Variants in RBFOX1 observed in about 807,000 individuals in gnomAD.
RBFOX1 encodes RNA binding protein fox-1 homolog 1.
A neutral mutation model predicts 57.7 loss-of-function variants in RBFOX1; 8 were observed. The ratio of observed to expected loss-of-function variants is 0.14; its 90% CI spans 0.08 to 0.25. RBFOX1 has a LOEUF of 0.25. Among genes scored for constraint, RBFOX1 ranks in the 10% least tolerant of loss-of-function variants. The pLI, the probability that RBFOX1 is intolerant of heterozygous loss-of-function variation, is 1.00. For synonymous variants in RBFOX1, 326 were observed against 222.4 expected (o/e 1.47, Z -4.15); for missense variants, 611 against 548.5 (o/e 1.11, Z -1.14).
chr16:6,919,096 C>G (rs572787429), intron 3 of RBFOX1, among the ~76,000 whole-genome samples: 1 of 152,170 alleles, frequency 6.6e-6, no homozygotes, highest in African/African-American at 2.4e-5. Flanking sequence ...TCTCCTGTCT[C>G]AGCCTACTGA....
chr16:7,263,966 A>G (rs1446066620), intron 4 of RBFOX1, among the ~76,000 whole-genome samples: 1 of 151,820 alleles, frequency 6.6e-6, no homozygotes, highest in Non-Finnish European at 1.5e-5. Context: ...ATACAACTGA[A>G]AGGAGAAACA....
At position 7,333,090 on chromosome 16, in the gene RBFOX1, T is replaced by C. The variant is rs1240585365; in HGVS notation, c.28-185057T>C. On this transcript the variant is annotated intron_variant, in intron 4 of 15. Coordinates refer to ENST00000550418, the MANE Select transcript of RBFOX1 (RefSeq NM_018723.4). ...CCTTACCTTCCTGGACTGATTCAGG[T>C]AATTCAAGGCCTCTGCCAGCCAGCA... 1 of 1,612,970 alleles carries C rather than the reference T, an allele frequency of 6.2e-7. No individual in the cohort carries two copies. Among genetic ancestry groups the C allele is most frequent in the Admixed American group, 1.7e-5 (1 of 59,998 alleles).
rs2068956125 is a variant in RBFOX1 at position 6,903,396 on chromosome 16, G to C, written c.-15-148661G>C. Among the ~76,000 whole-genome samples the C allele has an allele frequency of 1.3e-5, 2 of 152,332 alleles. 1 individual carries two copies. The highest frequency in any genetic ancestry group is 4.1e-4 in the South Asian group (2 of 4,832). On this transcript the variant is annotated intron_variant, in intron 3 of 15. Transcript: ENST00000550418. The stretch of plus-strand genomic sequence containing the variant: ...TGCACAGATTCTAACATAGAGGCCA[G>C]TTCTGCGCTCCAATTAAAATTGACG...
chr16:6,941,035 T>G (rs1005328974), intron 3 of RBFOX1, among the ~76,000 whole-genome samples: 1 of 152,044 alleles, frequency 6.6e-6, no homozygotes, highest in Admixed American at 6.6e-5. Flanking sequence ...TATATGTGTA[T>G]GGACGCCTAT....
intron 2 of RBFOX1, among the ~76,000 whole-genome samples, chr16:6,568,212 C>T (rs569651786): frequency 3.3e-5 from 5 of 152,180 alleles, no homozygotes; most frequent in Non-Finnish European, 7.3e-5. Context: ...GTCCAGGAAT[C>T]TGGGAGTGGC....
intron 1 of RBFOX1, among the ~76,000 whole-genome samples, chr16:6,284,861 T>C (rs537308489): frequency 4.6e-5 from 7 of 152,290 alleles, no homozygotes; most frequent in Non-Finnish European, 1.0e-4. Flanking sequence ...CACATTGTTC[T>C]TCTCATTAAA....
chr16:7,054,222 G>C (rs997896268), intron 4 of RBFOX1, among the ~76,000 whole-genome samples: 1 of 101,552 alleles, frequency 9.8e-6, no homozygotes, highest in Non-Finnish European at 1.9e-5. Context: ...TCGGGGGGGG[G>C]GGGCGGGGAG....
chr16:5,929,144 G>T (rs1335874620), intron 4 of RBFOX1, among the ~76,000 whole-genome samples: 1 of 152,148 alleles, frequency 6.6e-6, no homozygotes, highest in Non-Finnish European at 1.5e-5. Flanking sequence ...TTTGGATCCA[G>T]GGGCAGTAGT....
chr16:6,681,130 G>A (rs549351003), intron 3 of RBFOX1, among the ~76,000 whole-genome samples: 1 of 152,186 alleles, frequency 6.6e-6, no homozygotes, highest in Non-Finnish European at 1.5e-5. Flanking sequence ...GGGAAACATG[G>A]TGAGACCCCC....
chr16:7,084,274 A>G (rs985511765), intron 4 of RBFOX1, among the ~76,000 whole-genome samples: 2 of 152,148 alleles, frequency 1.3e-5, no homozygotes, highest in African/African-American at 4.8e-5. Context: ...AGAGGTATGA[A>G]CTAATATATA....
At chr16:5,354,937 G>A (rs1480139498) in intron 1 of RBFOX1, among the ~76,000 whole-genome samples, 2 of 152,156 alleles carry the variant, frequency 1.3e-5, no homozygotes. Flanking sequence ...GCCTGAGGGT[G>A]GTTAAGGGTC....
rs557586329 is a variant in RBFOX1 at position 5,583,514 on chromosome 16, C to G, written c.259-15388C>G. Among the ~76,000 whole-genome samples, 5 of 152,296 alleles carry G rather than the reference C, an allele frequency of 3.3e-5. No individual in the cohort carries two copies. The East Asian group carries it at 5.8e-4, about 18-fold the overall frequency. ...ACTTTTTTTTGTCTGTAAATTTGTT[C>G]TGACCGCGAGGCAATCCTGGAGTGT... On this transcript the variant is annotated intron_variant, in intron 2 of 2. Transcript: ENST00000585867.
chr16:7,047,591 A>G lies in RBFOX1; in HGVS notation c.-15-4466A>G, dbSNP rs2048400838. Among the ~76,000 whole-genome samples the G allele has an allele frequency of 2.1e-5, 3 of 146,324 alleles. No homozygotes were observed. The Admixed American group carries it at 2.1e-4, about 10-fold the overall frequency. On this transcript the variant is annotated intron_variant, in intron 3 of 15. Coordinates refer to ENST00000550418, the MANE Select transcript of RBFOX1 (RefSeq NM_018723.4). ...ATTGTTTATATCTTTTGTCAAATGT[A>G]GGAAGTTTTCAGCCATTATTTCTTA...
chr16:7,217,933 CGTGCATGTGTGTGT>C (rs965419661), intron 4 of RBFOX1, among the ~76,000 whole-genome samples: 15 of 150,070 alleles, frequency 1.0e-4, no homozygotes, highest in African/African-American at 2.7e-4. Flanking sequence ...TAGGTGTGTG[CGTGCATGTGTGTGT>C]GTGTGCACAT....
chr16:6,624,451 C>T (rs1181460528), intron 2 of RBFOX1, among the ~76,000 whole-genome samples: 1 of 152,092 alleles, frequency 6.6e-6, no homozygotes, highest in Non-Finnish European at 1.5e-5. Context: ...GATGGTGAAT[C>T]AACCACAGCC....
intron 2 of RBFOX1, among the ~76,000 whole-genome samples, chr16:6,440,177 C>G (rs1055483263): frequency 6.6e-6 from 1 of 151,836 alleles, no homozygotes; most frequent in Non-Finnish European, 1.5e-5. Flanking sequence ...CCTCGTGATT[C>G]GTCCGCCTCA....
rs567189775 is a variant in RBFOX1 at position 5,519,228 on chromosome 16, A to C, written c.258+51974A>C. On this transcript the variant is annotated intron_variant, in intron 2 of 2. Coordinates refer to the RBFOX1 transcript ENST00000585867. ...CCCTAGCAAAGTAATAAAGTGGTGA[A>C]ATTGGCAAGTTTTGAGTGCCAGCAG... Among the ~76,000 whole-genome samples, 4 of 152,310 alleles carry C rather than the reference A, an allele frequency of 2.6e-5. No homozygotes were observed. In the South Asian group the frequency reaches 8.3e-4, roughly 32 times the overall value.
chr16:7,124,408 T>C (rs1320367625), intron 4 of RBFOX1, among the ~76,000 whole-genome samples: 2 of 152,102 alleles, frequency 1.3e-5, no homozygotes, highest in Non-Finnish European at 2.9e-5. Flanking sequence ...AATGAAACTC[T>C]GTCATAAATA....
rs1000921471 is a variant in RBFOX1 at position 7,253,101 on chromosome 16, C to T, written c.27+201003C>T. ...CCTTTAAACACAGCATCACTGGACA[C>T]AGCAAACATATCTAGGTCAATCTGT... On this transcript the variant is annotated intron_variant, in intron 4 of 15. Transcript: ENST00000550418. Among the ~76,000 whole-genome samples, 6 of 152,214 alleles carry T rather than the reference C, an allele frequency of 3.9e-5. No homozygotes were observed. In the South Asian group the frequency reaches 6.2e-4, roughly 16 times the overall value.
Sources: gnomAD v4.1 joint callset for allele counts (sites outside exome capture counted in the v4.1 genomes callset) on GRCh38, gnomAD v4.1.1 for gene constraint, MANE v1.5 for transcripts, NCBI Gene and HGNC (gene_info 2026-07-23, HGNC 2026-07-21) for gene names.